Variants in FRMD4A observed in about 807,000 individuals in gnomAD.
FRMD4A encodes FERM domain-containing protein 4A.
In FRMD4A, 29 loss-of-function variants were observed where a neutral mutation model predicts 129.1. That is an observed-to-expected ratio of 0.22 (90% CI 0.17 to 0.31). The LOEUF (loss-of-function observed/expected upper bound fraction) is 0.31, where lower values mean the gene tolerates loss of function less well. Ranked by LOEUF, FRMD4A falls within the 10% of genes least tolerant of loss-of-function variation. The pLI is 1.00. For missense variants in FRMD4A, 1,272 were observed against 1,375.8 expected (o/e 0.92, Z 1.19); for synonymous variants, 634 against 571.6 (o/e 1.11, Z -1.56).
chr10:14,079,950 C>T (rs1036217307), intron 2 of FRMD4A, among the ~76,000 whole-genome samples: 3 of 152,170 alleles, frequency 2.0e-5, no homozygotes, highest in Admixed American at 2.0e-4. Context: ...AATGAAATCA[C>T]TCCCTGTGTC....
chr10:14,201,426 G>A (rs900760643), intron 2 of FRMD4A, among the ~76,000 whole-genome samples: 1 of 152,114 alleles, frequency 6.6e-6, no homozygotes, highest in African/African-American at 2.4e-5. Flanking sequence ...TCTCTTCTGG[G>A]GGCATTGCAA....
chr10:14,016,535 T>G (rs1477426586), intron 2 of FRMD4A, among the ~76,000 whole-genome samples: 2 of 152,234 alleles, frequency 1.3e-5, no homozygotes, highest in Admixed American at 6.5e-5. Flanking sequence ...CCTGAATTCC[T>G]TAAAGGCCAT....
rs1458889643 is a variant in FRMD4A at position 13,821,508 on chromosome 10, T to A, written c.112-10600A>T. ...AAATCCTTTACCTCTAGTCTAGGAG[T>A]GACAGTGGCATCACATCGCTGCAGC... On this transcript the variant is annotated intron_variant, in intron 3 of 24. Transcript: ENST00000357447. This position sits in a 1 kb window ranked among gnomAD's most constrained non-coding sequence, Gnocchi z 4.3. Among the ~76,000 whole-genome samples, 1 of 151,754 alleles carries A rather than the reference T, an allele frequency of 6.6e-6. No homozygotes were observed. Among genetic ancestry groups the A allele is most frequent in the African/African-American group, 2.4e-5 (1 of 41,262 alleles).
At chr10:13,898,619 T>G (rs976273219) in intron 2 of FRMD4A, among the ~76,000 whole-genome samples, 18 of 152,190 alleles carry the variant, frequency 1.2e-4, no homozygotes, top group African/African-American at 4.1e-4. Context: ...AGTCACAGCT[T>G]CTCTGACCAG....
intron 12 of FRMD4A, among the ~76,000 whole-genome samples, chr10:13,734,144 TTC>T (rs1321045205): frequency 6.6e-6 from 1 of 152,130 alleles, no homozygotes; most frequent in Non-Finnish European, 1.5e-5. Flanking sequence ...ATTGCCCTCC[TTC>T]TCTCATGGCC....
chr10:14,010,060 G>GAAC (rs1317170443), intron 2 of FRMD4A, among the ~76,000 whole-genome samples: 1 of 152,032 alleles, frequency 6.6e-6, no homozygotes, highest in Non-Finnish European at 1.5e-5. Context: ...CACACTTTCA[G>GAAC]AACACTTTAT....
At chr10:13,799,428 G>A (rs909770366) in intron 4 of FRMD4A, among the ~76,000 whole-genome samples, 2 of 152,218 alleles carry the variant, frequency 1.3e-5, no homozygotes, top group East Asian at 3.9e-4. Context: ...AAAGTCCTGG[G>A]ATGACAGAGG....
At chr10:13,681,475 T>C (rs942059166) in intron 15 of FRMD4A, among the ~76,000 whole-genome samples, 1 of 69,862 alleles carries the variant, frequency 1.4e-5, no homozygotes, top group Non-Finnish European at 2.9e-5. Context: ...CTGGAAAGGG[T>C]TGTCCAAACA....
intron 2 of FRMD4A, among the ~76,000 whole-genome samples, chr10:13,926,784 G>A (rs1391533500): frequency 2.0e-5 from 3 of 152,222 alleles, no homozygotes; most frequent in Non-Finnish European, 4.4e-5. Flanking sequence ...AATGAACAGA[G>A]CCAAGACGCC....
At chr10:14,214,486 C>T (rs948931727) in intron 2 of FRMD4A, among the ~76,000 whole-genome samples, 1 of 152,198 alleles carries the variant, frequency 6.6e-6, no homozygotes, top group Non-Finnish European at 1.5e-5. Context: ...AAAGTTCTGG[C>T]TAGCTCTAAT....
intron 6 of FRMD4A, among the ~76,000 whole-genome samples, chr10:13,780,588 T>C (rs1372868109): frequency 1.3e-5 from 2 of 152,182 alleles, no homozygotes; most frequent in Admixed American, 1.3e-4. Context: ...ATGCTCAACA[T>C]CACTAGTCTA....
chr10:14,245,636 A>C (rs912936065), intron 2 of FRMD4A, among the ~76,000 whole-genome samples: 7 of 152,132 alleles, frequency 4.6e-5, no homozygotes. Flanking sequence ...GGGTGGCCCT[A>C]ATTCAATATG....
intron 11 of FRMD4A, among the ~76,000 whole-genome samples, chr10:13,739,095 T>C (rs1018767739): frequency 3.9e-5 from 6 of 152,120 alleles, no homozygotes; most frequent in African/African-American, 1.4e-4. Context: ...AACCCCATAG[T>C]GGGTGTCTGG....
At chr10:13,892,105 C>T (rs1337234076) in intron 2 of FRMD4A, among the ~76,000 whole-genome samples, 5 of 151,712 alleles carry the variant, frequency 3.3e-5, no homozygotes, top group African/African-American at 4.8e-5. Context: ...GTGGCACCCG[C>T]AGGCGAGACA....
rs572295903 is a variant in FRMD4A at position 14,181,209 on chromosome 10, G to A, written c.45+148849C>T. Among the ~76,000 whole-genome samples the A allele has an allele frequency of 3.9e-5, 6 of 152,278 alleles. No homozygotes were observed. In the South Asian group the frequency reaches 6.2e-4, roughly 16 times the overall value. ...CTGGAAATGGTTCTCTACCTGCCCC[G>A]ATGTTTTATGAAAACATCTAAAGAG... On this transcript the variant is annotated intron_variant, in intron 2 of 24. Coordinates refer to ENST00000357447, the MANE Select transcript of FRMD4A (RefSeq NM_018027.5).
chr10:13,962,535 T>C (rs927597225), intron 2 of FRMD4A, among the ~76,000 whole-genome samples: 9 of 152,184 alleles, frequency 5.9e-5, no homozygotes, highest in African/African-American at 2.2e-4. Flanking sequence ...TAGTGAAATA[T>C]GCATTTTTTC....
At chr10:13,845,838 C>T (rs2094037272) in intron 3 of FRMD4A, among the ~76,000 whole-genome samples, 1 of 152,154 alleles carries the variant, frequency 6.6e-6, no homozygotes, top group African/African-American at 2.4e-5. Flanking sequence ...GTGCAAATGG[C>T]CAAGGTCACG....
At chr10:13,935,564 T>C (rs935430426) in intron 2 of FRMD4A, among the ~76,000 whole-genome samples, 3 of 151,468 alleles carry the variant, frequency 2.0e-5, no homozygotes, top group East Asian at 1.9e-4. Flanking sequence ...TTGTTGTATA[T>C]GGTGTGCCTT....
At chr10:14,008,483 G>T (rs552284338) in intron 2 of FRMD4A, 1 of 995,590 alleles carries the variant, frequency 1.0e-6, no homozygotes, top group East Asian at 1.0e-4. Context: ...CAAGTGACGC[G>T]TCTGGGGAGA....
Sources: allele counts gnomAD v4.1 joint callset (sites outside exome capture counted in the v4.1 genomes callset), GRCh38; gene constraint gnomAD v4.1.1; non-coding constraint Gnocchi (gnomAD v3.1); transcripts MANE v1.5; gene names NCBI Gene and HGNC (gene_info 2026-07-23, HGNC 2026-07-21).